The following FAM107A variants were observed in gnomAD, a reference collection of about 807,000 sequenced individuals.
The protein encoded by FAM107A is actin-associated protein FAM107A.
FAM107A carries 19 observed loss-of-function variants against 13.7 expected under a neutral mutation model. The observed-to-expected ratio is 1.38, with a 90% CI of 0.97 to 2.03. The LOEUF (loss-of-function observed/expected upper bound fraction) is 2.03. FAM107A is among the 30% of genes most tolerant of loss of function. FAM107A has a pLI of 0.00. For missense variants in FAM107A, 203 were observed against 184.4 expected, an observed-to-expected ratio of 1.10 and a Z score of -0.58; for synonymous variants, 82 against 74.5, an observed-to-expected ratio of 1.10 and a Z score of -0.52.
intron 1 of FAM107A, among the ~76,000 whole-genome samples, chr3:58,599,439 G>T (rs183817029): frequency 1.3e-5 from 2 of 152,148 alleles, no homozygotes; most frequent in Non-Finnish European, 2.9e-5. Flanking sequence ...CTTGCCATCC[G>T]TGCCTGAGAT....
At chr3:58,576,457 C>T (rs561343892) in intron 1 of FAM107A, among the ~76,000 whole-genome samples, 13 of 152,342 alleles carry the variant, frequency 8.5e-5, no homozygotes, top group Non-Finnish European at 1.3e-4. Context: ...TGATGTCAGC[C>T]ACTTTACCTG....
intron 1 of FAM107A, among the ~76,000 whole-genome samples, chr3:58,608,406 A>G (rs1474975333): frequency 6.6e-6 from 1 of 152,254 alleles, no homozygotes; most frequent in Non-Finnish European, 1.5e-5. Flanking sequence ...GTAGAGCCAA[A>G]TGAGAGATCC....
At position 58,577,377 on chromosome 3, in the gene FAM107A, T is replaced by G. The variant is rs1043392400; in HGVS notation, c.-74A>C. 1 of 985,172 alleles carries G rather than the reference T, an allele frequency of 1.0e-6. No individual in the cohort carries two copies. The highest frequency in any genetic ancestry group is 1.7e-5 in the African/African-American group (1 of 57,190). The allele number at this position is 985,172 out of a possible 1,614,324, so 61.0% of individuals were successfully genotyped here. On this transcript the variant is annotated 5_prime_UTR_variant, in exon 1 of 4. Transcript: ENST00000360997. This position sits in a 1 kb window ranked among gnomAD's most constrained non-coding sequence, Gnocchi z 4.9. ...CTGGGTTCCTCACTCCACCGGGAAG[T>G]CCCAGACTAGCAAGGAGGGCTGCCT...
At chr3:58,571,907 C>T (rs751195386) in intron 1 of FAM107A, among the ~76,000 whole-genome samples, 16 of 152,292 alleles carry the variant, frequency 1.1e-4, no homozygotes, top group Middle Eastern at 3.4e-3. Context: ...TCAGCCACAC[C>T]ATCCTTAAAA....
At chr3:58,618,676 G>T (rs2065925461) in intron 1 of FAM107A, among the ~76,000 whole-genome samples, 1 of 152,254 alleles carries the variant, frequency 6.6e-6, no homozygotes, top group Admixed American at 6.5e-5. Context: ...TTGGCCCCAA[G>T]GCCCGAGGAT....
intron 1 of FAM107A, among the ~76,000 whole-genome samples, chr3:58,605,501 C>T (rs561776312): frequency 2.2e-4 from 34 of 152,346 alleles, no homozygotes; most frequent in Non-Finnish European, 3.1e-4. Flanking sequence ...TGGGCTCCAT[C>T]GTCCTGTGCC....
upstream of FAM107A, chr3:58,577,752 C>T (rs1176970598): frequency 7.1e-6 from 7 of 985,198 alleles, no homozygotes; most frequent in South Asian, 9.4e-5. The surrounding 1 kb of genome is among the most constrained non-coding windows in gnomAD (Gnocchi z 4.9). Flanking sequence ...GGAAGCCAAG[C>T]TTCCTGAGGC....
chr3:58,603,555 C>T (rs1241847112), intron 1 of FAM107A, among the ~76,000 whole-genome samples: 1 of 152,070 alleles, frequency 6.6e-6, no homozygotes, highest in African/African-American at 2.4e-5. Flanking sequence ...TGAAGTCTAG[C>T]CTCAGGGGGA....
intron 1 of FAM107A, among the ~76,000 whole-genome samples, chr3:58,572,266 C>T (rs1304488165): frequency 3.3e-5 from 5 of 152,138 alleles, no homozygotes; most frequent in Admixed American, 6.5e-5. Flanking sequence ...GATCCCGGCG[C>T]TCACAGAACC....
chr3:58,568,907 C>T (rs1447277326), intron 2 of FAM107A, among the ~76,000 whole-genome samples: 1 of 152,156 alleles, frequency 6.6e-6, no homozygotes. Flanking sequence ...TCCCAGATGC[C>T]CCTCTGGCTC....
At chr3:58,589,887 T>C (rs1249429750), upstream of FAM107A, among the ~76,000 whole-genome samples, 2 of 152,200 alleles carry the variant, frequency 1.3e-5, no homozygotes, top group Non-Finnish European at 2.9e-5. Flanking sequence ...TTCTTTTAGG[T>C]TGAGCTCACG....
chr3:58,622,353 A>C lies in FAM107A; in HGVS notation c.-70+5063T>G, dbSNP rs572561370. Among the ~76,000 whole-genome samples, 29 of 152,306 alleles carry C rather than the reference A, an allele frequency of 1.9e-4. 3 individuals carry two copies. Among genetic ancestry groups the C allele is most frequent in the Middle Eastern group, 6.8e-3 (2 of 294 alleles). The stretch of plus-strand genomic sequence containing the variant: ...TTACTTGGGAGACTGAGGCAGGAGA[A>C]TCACTTTAATCTGGGAGGTGGGGGT... On this transcript the variant is annotated intron_variant, in intron 1 of 3. Transcript: ENST00000465970.
intron 1 of FAM107A, among the ~76,000 whole-genome samples, chr3:58,621,793 G>C (rs1354947529): frequency 1.3e-5 from 2 of 152,170 alleles, no homozygotes; most frequent in African/African-American, 4.8e-5. Flanking sequence ...CAGGGTGGTG[G>C]GGAGAACTTG....
At chr3:58,584,031 C>G (rs575612286) in intron 1 of FAM107A, among the ~76,000 whole-genome samples, 3 of 152,252 alleles carry the variant, frequency 2.0e-5, no homozygotes, top group African/African-American at 7.2e-5. Flanking sequence ...GGCTTCTCAA[C>G]GAAAGGAGTG....
upstream of FAM107A, among the ~76,000 whole-genome samples, chr3:58,590,149 C>T (rs982344619): frequency 6.6e-5 from 10 of 152,216 alleles, no homozygotes; most frequent in Non-Finnish European, 5.9e-5. Context: ...CCTGACATCT[C>T]CACTTGAAAG....
intron 1 of FAM107A, among the ~76,000 whole-genome samples, chr3:58,596,841 C>G (rs763895377): frequency 6.6e-6 from 1 of 152,156 alleles, no homozygotes; most frequent in East Asian, 1.9e-4. Context: ...TCAAGACTGA[C>G]TGCACCCCAG....
At position 58,577,307 on chromosome 3, in the gene FAM107A, A is replaced by C. The variant is rs2063738720; in HGVS notation, c.-6+2T>G. On this transcript the variant is annotated splice_donor_variant, in intron 1 of 3. Transcript: ENST00000360997. LOFTEE classifies it low-confidence loss of function (5UTR_SPLICE). This position sits in a 1 kb window ranked among gnomAD's most constrained non-coding sequence, Gnocchi z 4.9. ...GATGAAACAGAACAGAGATGGTCTTACTTCTCAGGTCGAGTCCTTGGGAAG... is the reference window on the plus strand; with the variant it reads ...GATGAAACAGAACAGAGATGGTCTTCCTTCTCAGGTCGAGTCCTTGGGAAG... 1 of 984,678 alleles carries C rather than the reference A, an allele frequency of 1.0e-6. No individual in the cohort carries two copies. The highest frequency in any genetic ancestry group is 4.7e-5 in the South Asian group (1 of 21,276). The allele number at this position is 984,678 out of a possible 1,614,324, so 61.0% of individuals were successfully genotyped here.
At chr3:58,571,731 A>T (rs1197078986) in intron 1 of FAM107A, among the ~76,000 whole-genome samples, 1 of 152,174 alleles carries the variant, frequency 6.6e-6, no homozygotes. Flanking sequence ...AGTGTCGCCC[A>T]TCCTTTGACT....
At chr3:58,623,664 G>C (rs566510864) in intron 1 of FAM107A, among the ~76,000 whole-genome samples, 1 of 152,222 alleles carries the variant, frequency 6.6e-6, no homozygotes, top group Non-Finnish European at 1.5e-5. Flanking sequence ...CGGCAGTGGG[G>C]TTTGCTGTTT....
Sources: gnomAD v4.1 joint callset for allele counts (sites outside exome capture counted in the v4.1 genomes callset) on GRCh38, gnomAD v4.1.1 for gene constraint, Gnocchi (gnomAD v3.1) non-coding constraint, MANE v1.5 for transcripts, NCBI Gene and HGNC (gene_info 2026-07-23, HGNC 2026-07-21) for gene names.